The following TRIQK variants were observed in gnomAD, a reference collection of about 807,000 sequenced individuals.
TRIQK encodes triple QxxK/R motif containing, also known as triple QxxK/R motif-containing protein.
In TRIQK, 10 loss-of-function variants were observed where a neutral mutation model predicts 10.8. The ratio of observed to expected loss-of-function variants is 0.92; its 90% CI spans 0.57 to 1.57. The LOEUF (loss-of-function observed/expected upper bound fraction) is 1.57. Ranked by LOEUF, TRIQK falls within the 40% of genes most tolerant of loss-of-function variation. The pLI is 0.00. For missense variants in TRIQK, 107 were observed against 97.7 expected, an observed-to-expected ratio of 1.09 and a Z score of -0.40; for synonymous variants, 33 against 33.7, an observed-to-expected ratio of 0.98 and a Z score of 0.07.
chr8:92,925,396 G>C (rs1343672809), intron 2 of TRIQK, among the ~76,000 whole-genome samples: 1 of 152,012 alleles, frequency 6.6e-6, no homozygotes, highest in African/African-American at 2.4e-5. Flanking sequence ...GGATGAACTG[G>C]ATTACATCAA....
chr8:92,888,106 C>G (rs1816577768), intron 4 of TRIQK, among the ~76,000 whole-genome samples: 2 of 151,590 alleles, frequency 1.3e-5, no homozygotes, highest in Admixed American at 1.3e-4. Flanking sequence ...TCTGGTTACA[C>G]AGCTACTAAT....
chr8:92,940,426 C>T (rs1480526978), intron 2 of TRIQK, among the ~76,000 whole-genome samples: 1 of 150,016 alleles, frequency 6.7e-6, no homozygotes, highest in Non-Finnish European at 1.5e-5. Flanking sequence ...AGTGAAGTAA[C>T]ACAAAAAGAT....
intron 3 of TRIQK, among the ~76,000 whole-genome samples, chr8:92,895,658 C>A (rs971439346): frequency 6.6e-6 from 1 of 152,138 alleles, no homozygotes; most frequent in South Asian, 2.1e-4. Flanking sequence ...GGAGTAAAGG[C>A]TATCCTTGTT....
intron 1 of TRIQK, among the ~76,000 whole-genome samples, chr8:92,987,191 C>T (rs1361060545): frequency 6.6e-6 from 1 of 152,058 alleles, no homozygotes; most frequent in Non-Finnish European, 1.5e-5. Flanking sequence ...TCACATAGGC[C>T]ATTGAAGCAT....
upstream of TRIQK, among the ~76,000 whole-genome samples, chr8:92,970,373 C>G (rs923672333): frequency 6.6e-6 from 1 of 152,302 alleles, no homozygotes; most frequent in Non-Finnish European, 1.5e-5. Context: ...TAAGGAATTG[C>G]CACACTGTCT....
intron 2 of TRIQK, among the ~76,000 whole-genome samples, chr8:92,949,832 AAGAAAGAAAG>A (rs1811796401): frequency 8.7e-6 from 1 of 114,780 alleles, no homozygotes; most frequent in South Asian, 3.0e-4. Context: ...GAAAGAAAGA[AAGAAAGAAAG>A]GGAGAGAAAA....
intron 2 of TRIQK, among the ~76,000 whole-genome samples, chr8:92,920,807 TA>T (rs1810139722): frequency 6.6e-6 from 1 of 151,752 alleles, no homozygotes; most frequent in Non-Finnish European, 1.5e-5. Flanking sequence ...AAACATAATC[TA>T]AAAAAGTCTT....
Position 92,891,781 on chromosome 8 carries a change from T to C in TRIQK, c.147+208A>G, listed in dbSNP as rs1816778010. ...TTTAAGTATAACTGATTCTCTTAAG[T>C]GACACTGTTTTAAGACCCTTCAAAA... On this transcript the variant is annotated intron_variant, in intron 4 of 4. Transcript: ENST00000521988. Among the ~76,000 whole-genome samples, 3 of 151,928 alleles carry C rather than the reference T, an allele frequency of 2.0e-5. No individual in the cohort carries two copies. The South Asian group carries it at 6.2e-4, about 31-fold the overall frequency.
intron 1 of TRIQK, among the ~76,000 whole-genome samples, chr8:93,012,787 A>G (rs1325785897): frequency 2.6e-5 from 4 of 152,204 alleles, no homozygotes; most frequent in Admixed American, 2.6e-4. Flanking sequence ...TTCCTAAATA[A>G]TGTAATGCAG....
chr8:92,905,109 C>T (rs935225786), intron 3 of TRIQK, among the ~76,000 whole-genome samples: 6 of 151,832 alleles, frequency 4.0e-5, no homozygotes, highest in Admixed American at 6.6e-5. Flanking sequence ...TGAACAGACA[C>T]GTCTAAAAAT....
intron 1 of TRIQK, among the ~76,000 whole-genome samples, chr8:92,996,555 G>A (rs1813155074): frequency 6.6e-6 from 1 of 151,970 alleles, no homozygotes; most frequent in African/African-American, 2.4e-5. Flanking sequence ...AATAAAGGAA[G>A]TGACATGAAC....
chr8:92,921,638 A>C (rs1379588899), intron 2 of TRIQK: 1 of 151,808 alleles, frequency 6.6e-6, no homozygotes, highest in East Asian at 1.9e-4. Flanking sequence ...TATCCAACCA[A>C]CTTGTTTTTC....
At chr8:92,979,480 T>A (rs1812964292) in intron 1 of TRIQK, among the ~76,000 whole-genome samples, 1 of 152,118 alleles carries the variant, frequency 6.6e-6, no homozygotes, top group African/African-American at 2.4e-5. Flanking sequence ...AACTTTCATA[T>A]ATATTTTAGA....
At chr8:92,992,213 C>A (rs1813103124) in intron 1 of TRIQK, among the ~76,000 whole-genome samples, 1 of 152,058 alleles carries the variant, frequency 6.6e-6, no homozygotes, top group Non-Finnish European at 1.5e-5. Context: ...AACTCCTGCC[C>A]CCAGGACCCA....
chr8:92,932,071 C>T (rs530467497), intron 2 of TRIQK, among the ~76,000 whole-genome samples: 115 of 152,270 alleles, frequency 7.6e-4, no homozygotes, highest in Admixed American at 1.8e-3. Flanking sequence ...AACTTCAAGC[C>T]GTCAGCTTCC....
intron 3 of TRIQK, among the ~76,000 whole-genome samples, chr8:92,895,484 TG>T (rs1808545982): frequency 1.3e-5 from 2 of 152,034 alleles, no homozygotes; most frequent in African/African-American, 4.8e-5. Context: ...GCATTAAAGG[TG>T]ATTCTGGGGG....
intron 3 of TRIQK, among the ~76,000 whole-genome samples, chr8:92,916,346 G>A (rs1164660985): frequency 2.0e-5 from 3 of 152,054 alleles, no homozygotes; most frequent in Non-Finnish European, 2.9e-5. Context: ...CTAGTCCACC[G>A]TTCTACTAGG....
intron 3 of TRIQK, among the ~76,000 whole-genome samples, chr8:92,896,219 C>T (rs1387381444): frequency 6.6e-6 from 1 of 152,172 alleles, no homozygotes; most frequent in Non-Finnish European, 1.5e-5. Context: ...CCAGCTGTGG[C>T]TTAAGCAGGC....
rs1816325371 is a variant in TRIQK at position 92,883,710 on chromosome 8, A to T, written c.*2912T>A. On this transcript the variant is annotated 3_prime_UTR_variant, in exon 5 of 5. Transcript: ENST00000521988. ...TGCAATTACAGAAATGAGTAAGAAC[A>T]TACTCTCAAGATCTTACAGTCATTG... 6.6e-6 allele frequency: 1 copy of T among 151,774 alleles called. No homozygotes were observed. The allele number at this position is 151,774 out of a possible 1,614,324, so 9.4% of individuals were successfully genotyped here. A position where few individuals can be genotyped will look rare whatever the true frequency, so the allele number is the denominator to read the frequency against.
Sources: gnomAD v4.1 joint callset for allele counts (sites outside exome capture counted in the v4.1 genomes callset) on GRCh38, gnomAD v4.1.1 for gene constraint, MANE v1.5 for transcripts, NCBI Gene and HGNC (gene_info 2026-07-23, HGNC 2026-07-21) for gene names.